FAF1: variants seen among roughly 807,000 people sequenced by gnomAD.
FAF1 encodes the protein FAS-associated factor 1.
Under a neutral mutation model 92.5 loss-of-function variants are expected in FAF1, and 25 were observed. That is an observed-to-expected ratio of 0.27 (90% CI 0.20 to 0.38). FAF1 has a LOEUF of 0.38. FAF1 is among the 10% of genes least tolerant of loss of function. The probability of loss-of-function intolerance (pLI) is 1.00; values close to 1 mark genes in which losing one functional copy is unlikely to be tolerated. For synonymous variants in FAF1, 234 were observed against 273.2 expected (o/e 0.86, Z 1.42); for missense variants, 636 against 793.3 (o/e 0.80, Z 2.38).
At chr1:50,846,626 C>A in intron 2 of FAF1, 1 of 530,134 alleles carries the variant, frequency 1.9e-6, no homozygotes, top group Non-Finnish European at 3.7e-6. Flanking sequence ...GATCTCCACC[C>A]ACAATCAGTG....
chr1:50,660,947 T>C (rs1288731818), intron 7 of FAF1, among the ~76,000 whole-genome samples: 1 of 152,160 alleles, frequency 6.6e-6, no homozygotes, highest in African/African-American at 2.4e-5. Context: ...GTGAAAATAC[T>C]GGAGTTAATC....
intron 2 of FAF1, among the ~76,000 whole-genome samples, chr1:50,837,098 C>T (rs1362592676): frequency 2.6e-5 from 4 of 151,612 alleles, no homozygotes; most frequent in Non-Finnish European, 5.9e-5. Context: ...GCTGGGACTA[C>T]AGGCACCCGC....
chr1:50,482,471 G>A (rs1382315780), intron 17 of FAF1, among the ~76,000 whole-genome samples: 1 of 152,150 alleles, frequency 6.6e-6, no homozygotes, highest in Non-Finnish European at 1.5e-5. Context: ...ACTGCTTTAT[G>A]TGAAAGCAGT....
At chr1:50,566,944 G>T in intron 13 of FAF1, 133 bp downstream of exon 13, 2 of 582,526 alleles carry the variant, frequency 3.4e-6, no homozygotes, top group Non-Finnish European at 5.5e-6. Flanking sequence ...GCTGCAACGA[G>T]CAGCTTTTGT....
chr1:50,873,133 AT>A (rs113214638), intron 1 of FAF1, among the ~76,000 whole-genome samples: 175 of 152,104 alleles, frequency 1.2e-3, no homozygotes, highest in African/African-American at 3.1e-3. Context: ...GATAATTAGC[AT>A]TTTTTTTAAC....
chr1:50,728,971 A>G (rs1658782225), intron 6 of FAF1, among the ~76,000 whole-genome samples: 1 of 148,846 alleles, frequency 6.7e-6, no homozygotes, highest in Non-Finnish European at 1.5e-5. Context: ...AAGTCATTAA[A>G]TAGTAAGGCT....
At chr1:50,937,931 C>G (rs1645100577) in intron 1 of FAF1, among the ~76,000 whole-genome samples, 1 of 152,164 alleles carries the variant, frequency 6.6e-6, no homozygotes, top group Non-Finnish European at 1.5e-5. Flanking sequence ...TTCCTTACAT[C>G]CTTGCATCAC....
chr1:50,494,649 T>C (rs1328468801), intron 15 of FAF1, among the ~76,000 whole-genome samples: 1 of 152,246 alleles, frequency 6.6e-6, no homozygotes, highest in Non-Finnish European at 1.5e-5. Flanking sequence ...TGCTCTCATA[T>C]TGCGCTGTGC....
At chr1:50,673,637 T>C (rs1655995094) in intron 7 of FAF1, among the ~76,000 whole-genome samples, 1 of 152,198 alleles carries the variant, frequency 6.6e-6, no homozygotes, top group African/African-American at 2.4e-5. Context: ...AAGAGACTCT[T>C]GACAGTCATT....
intron 17 of FAF1, among the ~76,000 whole-genome samples, chr1:50,489,923 A>C (rs527325145): frequency 3.7e-4 from 56 of 152,286 alleles, no homozygotes; most frequent in African/African-American, 1.3e-3. Context: ...AAAGGCAAAG[A>C]TTATAGAAAA....
At chr1:50,657,195 G>C (rs950921214) in intron 7 of FAF1, among the ~76,000 whole-genome samples, 10 of 151,684 alleles carry the variant, frequency 6.6e-5, no homozygotes, top group African/African-American at 2.4e-4. Context: ...CTGGCAGACA[G>C]AGTGAGACCC....
At chr1:50,681,472 C>T (rs1012503813) in intron 7 of FAF1, among the ~76,000 whole-genome samples, 1 of 152,034 alleles carries the variant, frequency 6.6e-6, no homozygotes, top group Non-Finnish European at 1.5e-5. Flanking sequence ...TAAATATCTT[C>T]AATAGCTGTG....
intron 15 of FAF1, among the ~76,000 whole-genome samples, chr1:50,534,519 C>T (rs962970219): frequency 3.9e-5 from 6 of 152,044 alleles, no homozygotes; most frequent in Non-Finnish European, 8.8e-5. Context: ...AGTGATCGAC[C>T]TACCTCAGCC....
intron 2 of FAF1, among the ~76,000 whole-genome samples, chr1:50,819,631 G>A (rs866680304): frequency 5.8e-5 from 5 of 86,876 alleles, no homozygotes; most frequent in South Asian, 6.1e-4. Context: ...CCGACTGACT[G>A]ACTCACTCAC....
At chr1:50,674,280 A>G (rs1025810258) in intron 7 of FAF1, among the ~76,000 whole-genome samples, 1 of 151,616 alleles carries the variant, frequency 6.6e-6, no homozygotes, top group Non-Finnish European at 1.5e-5. Context: ...TTATTGTACC[A>G]TGACACATCC....
intron 15 of FAF1, among the ~76,000 whole-genome samples, chr1:50,529,163 T>G (rs1648002070): frequency 6.6e-6 from 1 of 152,212 alleles, no homozygotes; most frequent in South Asian, 2.1e-4. Context: ...TACACTAGTT[T>G]GTACTGGTTT....
chr1:50,950,248 C>G (rs1645204092), intron 1 of FAF1, among the ~76,000 whole-genome samples: 1 of 152,210 alleles, frequency 6.6e-6, no homozygotes, highest in Non-Finnish European at 1.5e-5. Flanking sequence ...ACAACAGCTA[C>G]AGCCAGTCTA....
At chr1:50,871,411 C>T (rs1360561167) in intron 1 of FAF1, among the ~76,000 whole-genome samples, 1 of 152,194 alleles carries the variant, frequency 6.6e-6, no homozygotes, top group Non-Finnish European at 1.5e-5. Context: ...GAAGTCAATG[C>T]CTGGCTTCAA....
At chr1:50,505,441 T>C (rs553542197) in intron 15 of FAF1, among the ~76,000 whole-genome samples, 1 of 152,296 alleles carries the variant, frequency 6.6e-6, no homozygotes, top group Admixed American at 6.5e-5. Context: ...TGTGTGTATG[T>C]GAGTGTAACA....
Sources: allele counts gnomAD v4.1 joint callset (sites outside exome capture counted in the v4.1 genomes callset), GRCh38; gene constraint gnomAD v4.1.1; transcripts MANE v1.5; gene names NCBI Gene and HGNC (gene_info 2026-07-23, HGNC 2026-07-21).